The following PCDHGA2 variants were observed in gnomAD, a reference collection of about 807,000 sequenced individuals.
PCDHGA2 encodes the protein protocadherin gamma-A2.
A neutral mutation model predicts 59.2 loss-of-function variants in PCDHGA2; 40 were observed. The observed-to-expected ratio is 0.68, with a 90% confidence interval of 0.52 to 0.88. PCDHGA2 has a LOEUF of 0.88. Among genes scored for constraint, PCDHGA2 ranks in the 40% least tolerant of loss-of-function variants. The probability of loss-of-function intolerance (pLI) is 0.00; values close to 1 mark genes in which losing one functional copy is unlikely to be tolerated. For missense variants in PCDHGA2, 1,226 were observed against 1,204.0 expected, an observed-to-expected ratio of 1.02 and a Z score of -0.27; for synonymous variants, 560 against 526.0, an observed-to-expected ratio of 1.06 and a Z score of -0.89.
At chr5:141,419,689 G>T in intron 1 of PCDHGA2, 1 of 1,613,000 alleles carries the variant, frequency 6.2e-7, no homozygotes, top group African/African-American at 1.3e-5. Context: ...ACGTGGTGCA[G>T]GCCAGTGAGC....
chr5:141,352,967 G>A (rs767244188), intron 1 of PCDHGA2, among the ~76,000 whole-genome samples: 2 of 152,168 alleles, frequency 1.3e-5, no homozygotes, highest in Non-Finnish European at 2.9e-5. Context: ...CAGCCTGGGT[G>A]ATGGGAGGGA....
At chr5:141,381,830 T>C (rs796824162) in intron 1 of PCDHGA2, among the ~76,000 whole-genome samples, 3 of 133,454 alleles carry the variant, frequency 2.2e-5, no homozygotes, top group African/African-American at 9.3e-5. Flanking sequence ...CTTCTTCTTT[T>C]TTTTTTTTTT....
intron 1 of PCDHGA2, chr5:141,421,851 T>G: frequency 6.2e-7 from 1 of 1,613,714 alleles, no homozygotes; most frequent in East Asian, 2.2e-5. Context: ...AAGAGGCTGC[T>G]CACCTGCTCC....
intron 1 of PCDHGA2, chr5:141,357,641 G>C: frequency 6.2e-7 from 1 of 1,611,778 alleles, no homozygotes; most frequent in South Asian, 1.1e-5. Context: ...TCTTATAATA[G>C]ATCATACCAC....
chr5:141,410,623 G>T, intron 1 of PCDHGA2: 2 of 1,603,052 alleles, frequency 1.2e-6, no homozygotes, highest in Non-Finnish European at 1.7e-6. Context: ...TGACTTCGGT[G>T]AGTTTCTCTT....
rs774993961 is a variant in PCDHGA2, at chr5:141,365,445, A to C, written c.2424+24050A>C. The stretch of plus-strand genomic sequence containing the variant: ...ACTGTAATCGCGCTGTTTAGCGTAC[A>C]TGATGGTGATTCTGGAGAAAATGGT... On this transcript the variant is annotated intron_variant, in intron 1 of 3. Transcript: ENST00000394576. 1 of 1,613,936 alleles carries C rather than the reference A, an allele frequency of 6.2e-7. No individual in the cohort carries two copies. The highest frequency in any genetic ancestry group is 8.5e-7 in the Non-Finnish European group (1 of 1,179,910).
intron 1 of PCDHGA2, among the ~76,000 whole-genome samples, chr5:141,465,300 G>A (rs904996219): frequency 1.3e-5 from 2 of 152,112 alleles, no homozygotes; most frequent in Non-Finnish European, 2.9e-5. Flanking sequence ...TGAGAGTCCT[G>A]GGAATTTAGC....
At chr5:141,428,551 G>A (rs1192248816) in intron 1 of PCDHGA2, 1 of 254,070 alleles carries the variant, frequency 3.9e-6, no homozygotes, top group Non-Finnish European at 7.8e-6. Flanking sequence ...ACCAGAAACA[G>A]TCCCCCCACA....
intron 1 of PCDHGA2, chr5:141,371,543 A>G (rs1209242275): frequency 3.1e-6 from 5 of 1,613,694 alleles, no homozygotes; most frequent in Non-Finnish European, 4.2e-6. Flanking sequence ...GAGAAATCCT[A>G]TGCCAACTAA....
intron 1 of PCDHGA2, chr5:141,383,132 A>G: frequency 1.2e-6 from 2 of 1,614,110 alleles, no homozygotes; most frequent in Non-Finnish European, 1.7e-6. Context: ...TTCGCCCTGA[A>G]CCAGCGCAGC....
intron 1 of PCDHGA2, chr5:141,375,263 T>C (rs200233213): frequency 1.2e-6 from 2 of 1,613,828 alleles, no homozygotes; most frequent in Non-Finnish European, 1.7e-6. Context: ...CCCATTTGAA[T>C]TGGAAAAATC....
rs533857281 is a variant in PCDHGA2 at position 141,429,742 on chromosome 5, T to C, written c.2425-65065T>C. Among the ~76,000 whole-genome samples the C allele has an allele frequency of 3.8e-4, 58 of 152,336 alleles. 1 individual carries two copies. Among genetic ancestry groups the C allele is most frequent in the Admixed American group, 2.0e-4 (3 of 15,302 alleles). Reference sequence around the variant, plus strand: ...ATGAAAGTACGTAGCCAGTTATTTCTTAGGGAGAATTTTTTCCCTATATTT... The same window carrying C: ...ATGAAAGTACGTAGCCAGTTATTTCCTAGGGAGAATTTTTTCCCTATATTT... On this transcript the variant is annotated intron_variant, in intron 1 of 3. Transcript: ENST00000394576.
chr5:141,370,723 C>G, intron 1 of PCDHGA2: 1 of 1,613,808 alleles, frequency 6.2e-7, no homozygotes, highest in South Asian at 1.1e-5. Context: ...GAAATGGTTG[C>G]TGAAAAGCCT....
intron 1 of PCDHGA2, among the ~76,000 whole-genome samples, chr5:141,482,633 G>T (rs1218163238): frequency 2.0e-5 from 3 of 151,784 alleles, no homozygotes; most frequent in Non-Finnish European, 2.9e-5. Flanking sequence ...AGGAAGAAAT[G>T]ATAGAGGTGG....
intron 3 of PCDHGA2, among the ~76,000 whole-genome samples, chr5:141,507,803 G>GAC (rs2099863701): frequency 6.6e-6 from 1 of 152,228 alleles, no homozygotes; most frequent in Admixed American, 6.5e-5. Flanking sequence ...CCTGCGCCCT[G>GAC]GGGAACGGAC....
At chr5:141,369,703 A>G (rs757750981) in intron 1 of PCDHGA2, among the ~76,000 whole-genome samples, 12 of 152,254 alleles carry the variant, frequency 7.9e-5, no homozygotes, top group Admixed American at 1.3e-4. Flanking sequence ...AAAAGCTATG[A>G]CATTATAACT....
intron 1 of PCDHGA2, among the ~76,000 whole-genome samples, chr5:141,347,425 G>A (rs564235867): frequency 2.0e-5 from 3 of 152,120 alleles, no homozygotes; most frequent in Non-Finnish European, 2.9e-5. Flanking sequence ...AAAGTACTGC[G>A]ATTAGAGGCA....
chr5:141,427,391 A>G (rs942653386), intron 1 of PCDHGA2: 3 of 459,818 alleles, frequency 6.5e-6, no homozygotes, highest in Non-Finnish European at 1.3e-5. Context: ...TGTTCAAAAC[A>G]CATGATAAAG....
chr5:141,501,323 A>G (rs2099807887), intron 2 of PCDHGA2, among the ~76,000 whole-genome samples: 1 of 151,850 alleles, frequency 6.6e-6, no homozygotes, highest in East Asian at 1.9e-4. Flanking sequence ...ACACACACAC[A>G]CACACACACA....
Sources: gnomAD v4.1 joint callset for allele counts (sites outside exome capture counted in the v4.1 genomes callset) on GRCh38, gnomAD v4.1.1 for gene constraint, MANE v1.5 for transcripts, NCBI Gene and HGNC (gene_info 2026-07-23, HGNC 2026-07-21) for gene names.